Variants in ZFAND3 observed in about 807,000 individuals in gnomAD.
The protein encoded by ZFAND3 is zinc finger AN1-type containing 3.
In ZFAND3, 10 loss-of-function variants were observed where a neutral mutation model predicts 29.6. The observed-to-expected ratio is 0.34, with a 90% CI of 0.21 to 0.57. ZFAND3 has a LOEUF of 0.57. Among genes scored for constraint, ZFAND3 ranks in the 20% least tolerant of loss-of-function variants. The pLI is 0.86. For synonymous variants in ZFAND3, 128 were observed against 112.6 expected (o/e 1.14, Z -0.87); for missense variants, 230 against 304.5 (o/e 0.76, Z 1.82).
chr6:38,147,453 G>A (rs548726532), intron 5 of ZFAND3, among the ~76,000 whole-genome samples: 6 of 152,312 alleles, frequency 3.9e-5, no homozygotes, highest in South Asian at 2.1e-4. Flanking sequence ...ATAAACATGC[G>A]AATGCAGGCA....
At position 37,859,020 on chromosome 6, in the gene ZFAND3, A is replaced by G. The variant is rs116000388; in HGVS notation, c.71+39004A>G. On this transcript the variant is annotated intron_variant, in intron 1 of 5. Coordinates refer to ENST00000287218, the MANE Select transcript of ZFAND3 (RefSeq NM_021943.3). ...CTGTGTCTGTGGGAGCAGGTCAGCTACATTTCTGATACACGTATGTTTTAG... is the reference window on the plus strand; with the variant it reads ...CTGTGTCTGTGGGAGCAGGTCAGCTGCATTTCTGATACACGTATGTTTTAG... 3.1e-3 allele frequency among the ~76,000 whole-genome samples: 469 copies of G among 152,326 alleles called. 3 individuals carry two copies. The highest frequency in any genetic ancestry group is 0.011 in the African/African-American group (446 of 41,572).
intron 2 of ZFAND3, among the ~76,000 whole-genome samples, chr6:37,939,010 C>G (rs1412460029): frequency 6.6e-6 from 1 of 152,122 alleles, no homozygotes; most frequent in Non-Finnish European, 1.5e-5. Flanking sequence ...AAGCTGTAGT[C>G]TCTTTGTGGT....
chr6:37,835,547 T>C (rs533857945), intron 1 of ZFAND3, among the ~76,000 whole-genome samples: 1 of 152,190 alleles, frequency 6.6e-6, no homozygotes, highest in East Asian at 1.9e-4. Context: ...TTTTGTATTA[T>C]TTTAAATCCT....
rs1012787673 is a variant in ZFAND3 at position 38,149,570 on chromosome 6, C to T, written c.530-2665C>T. On this transcript the variant is annotated intron_variant, in intron 5 of 5. Transcript: ENST00000287218. ...GAGTATCAGGTAGCTACTCCTTGGG[C>T]GGTAGAGGGAATATCAGGGTAGCTA... Among the ~76,000 whole-genome samples, 10 of 151,934 alleles carry T rather than the reference C, an allele frequency of 6.6e-5. 1 individual carries two copies. Among genetic ancestry groups the T allele is most frequent in the South Asian group, 2.1e-4 (1 of 4,824 alleles).
chr6:38,102,812 A>G (rs2127478578), intron 4 of ZFAND3, among the ~76,000 whole-genome samples: 1 of 152,304 alleles, frequency 6.6e-6, no homozygotes, highest in Non-Finnish European at 1.5e-5. Flanking sequence ...GCTGGAATGC[A>G]GTGGCGCGAT....
chr6:38,103,552 TAC>T (rs1765150692), intron 4 of ZFAND3, among the ~76,000 whole-genome samples: 1 of 132,554 alleles, frequency 7.5e-6, no homozygotes, highest in Non-Finnish European at 1.7e-5. Flanking sequence ...CATACATACA[TAC>T]ACACTTCACG....
At chr6:37,853,532 T>C (rs1387604872) in intron 1 of ZFAND3, among the ~76,000 whole-genome samples, 1 of 151,938 alleles carries the variant, frequency 6.6e-6, no homozygotes, top group African/African-American at 2.4e-5. Flanking sequence ...ACTATAAATA[T>C]TTTTGGGGGG....
chr6:38,116,723 G>A lies in ZFAND3; in HGVS notation c.513G>A (p.Leu171=). 2 of 1,614,004 alleles carry A rather than the reference G, an allele frequency of 1.2e-6. No individual in the cohort carries two copies. Among genetic ancestry groups the A allele is most frequent in the Non-Finnish European group, 1.7e-6 (2 of 1,179,906 alleles). The change falls in exon 5 of 6, where the codon TTG becomes TTA. Residue 171 remains leucine (L), a synonymous_variant. Transcript: ENST00000287218. ...AACTGGAGCTGGTGCAGCAGGAATT[G>A]GGATCGTGTCGCTGCGGTAAGCATC... The part of the protein sequence containing the change: ...QTKLELVQQE[L]GSCRCGYVFC...
intron 2 of ZFAND3, among the ~76,000 whole-genome samples, chr6:37,946,676 A>C (rs1208422310): frequency 6.6e-6 from 1 of 152,184 alleles, no homozygotes; most frequent in Admixed American, 6.5e-5. Flanking sequence ...GCATTATCAA[A>C]TAATTGATGT....
intron 3 of ZFAND3, among the ~76,000 whole-genome samples, chr6:38,082,148 T>TG (rs1240247595): frequency 6.6e-6 from 1 of 151,946 alleles, no homozygotes; most frequent in African/African-American, 2.4e-5. Context: ...GGCTGTTTTT[T>TG]TTTTTTTTGT....
At chr6:37,831,214 A>T (rs1198233975) in intron 1 of ZFAND3, among the ~76,000 whole-genome samples, 3 of 152,204 alleles carry the variant, frequency 2.0e-5, no homozygotes, top group Non-Finnish European at 2.9e-5. Context: ...GGTCATGGTA[A>T]TTACATTTAT....
chr6:37,893,274 G>C (rs115427685), intron 1 of ZFAND3, among the ~76,000 whole-genome samples: 167 of 152,256 alleles, frequency 1.1e-3, no homozygotes, highest in Non-Finnish European at 1.8e-3. Context: ...GGAGTATAAG[G>C]TTGGTTTAAC....
At chr6:37,908,679 A>C (rs2127403970) in intron 1 of ZFAND3, among the ~76,000 whole-genome samples, 1 of 150,654 alleles carries the variant, frequency 6.6e-6, no homozygotes, top group East Asian at 1.9e-4. Context: ...CTTGCCCTAC[A>C]CATCTCTTCA....
chr6:38,046,077 G>A (rs2127458108), intron 2 of ZFAND3, among the ~76,000 whole-genome samples: 1 of 152,264 alleles, frequency 6.6e-6, no homozygotes, highest in East Asian at 1.9e-4. Context: ...AAGTACCGGT[G>A]ATGATGACTG....
In ZFAND3 at chr6:37,849,659, C is replaced by T. The variant is rs191442966; in HGVS notation, c.71+29643C>T. The stretch of plus-strand genomic sequence containing the variant: ...TCCTGACGTCAGGTGATCCACCTGC[C>T]TCAGCCTCCCAAAGTGCTGGGATTA... On this transcript the variant is annotated intron_variant, in intron 1 of 5. Coordinates refer to ENST00000287218, the MANE Select transcript of ZFAND3 (RefSeq NM_021943.3). Among the ~76,000 whole-genome samples, 56 of 152,288 alleles carry T rather than the reference C, an allele frequency of 3.7e-4. 1 individual carries two copies. The highest frequency in any genetic ancestry group is 3.3e-3 in the Admixed American group (50 of 15,290).
At chr6:37,820,462 C>T (rs889366450) in intron 1 of ZFAND3, among the ~76,000 whole-genome samples, 17 of 152,234 alleles carry the variant, frequency 1.1e-4, no homozygotes, top group African/African-American at 3.9e-4. Context: ...CCCCTCCTCC[C>T]CGTCCTCCGG....
chr6:37,898,366 C>T (rs1765258138), intron 1 of ZFAND3, among the ~76,000 whole-genome samples: 2 of 152,166 alleles, frequency 1.3e-5, no homozygotes, highest in African/African-American at 4.8e-5. Context: ...GTCTGTTTGT[C>T]TGTTTCTACA....
intron 2 of ZFAND3, among the ~76,000 whole-genome samples, chr6:37,961,800 T>C (rs1380685037): frequency 6.6e-6 from 1 of 152,244 alleles, no homozygotes; most frequent in East Asian, 1.9e-4. Flanking sequence ...ACAGTCCTGC[T>C]GGGCTTGAGG....
chr6:37,946,873 G>C (rs1004043479), intron 2 of ZFAND3, among the ~76,000 whole-genome samples: 5 of 152,170 alleles, frequency 3.3e-5, no homozygotes, highest in Admixed American at 1.3e-4. Flanking sequence ...CCAGGGGCTA[G>C]AGGGTGGGGG....
Sources: gnomAD v4.1 joint callset for allele counts (sites outside exome capture counted in the v4.1 genomes callset) on GRCh38, gnomAD v4.1.1 for gene constraint, MANE v1.5 for transcripts, NCBI Gene and HGNC (gene_info 2026-07-23, HGNC 2026-07-21) for gene names.